The following NRXN1 variants were observed in gnomAD, a reference collection of about 807,000 sequenced individuals.
The protein encoded by NRXN1 is neurexin 1.
Under a neutral mutation model 150.9 loss-of-function variants are expected in NRXN1, and 39 were observed. That is an observed-to-expected ratio of 0.26 (90% CI 0.20 to 0.34). The LOEUF is 0.34. Among genes scored for constraint, NRXN1 ranks in the 10% least tolerant of loss-of-function variants. The pLI, the probability that NRXN1 is intolerant of heterozygous loss-of-function variation, is 1.00. For missense variants in NRXN1, 1,815 were observed against 1,949.9 expected, an observed-to-expected ratio of 0.93 and a Z score of 1.30; for synonymous variants, 924 against 757.0, an observed-to-expected ratio of 1.22 and a Z score of -3.62.
chr2:50,614,168 A>AT (rs1559021182), intron 8 of NRXN1, among the ~76,000 whole-genome samples: 1 of 152,154 alleles, frequency 6.6e-6, no homozygotes, highest in African/African-American at 2.4e-5. Context: ...AAGAGAGGCA[A>AT]TAAGTCAGGG....
Position 50,004,204 on chromosome 2 carries a change from A to G in NRXN1, c.4128+49067T>C, listed in dbSNP as rs368319782. On this transcript the variant is annotated intron_variant, in intron 21 of 22. Transcript: ENST00000401669. ...GAACCCAGGAAGCTTAAATCTATCA[A>G]TCAGGATAGTGACAGGGTCAGATAC... 1.1e-3 allele frequency among the ~76,000 whole-genome samples: 162 copies of G among 152,246 alleles called. 1 individual carries two copies. The highest frequency in any genetic ancestry group is 3.7e-3 in the African/African-American group (153 of 41,568).
intron 18 of NRXN1, among the ~76,000 whole-genome samples, chr2:50,195,595 A>C (rs2061706839): frequency 6.6e-6 from 1 of 152,178 alleles, no homozygotes; most frequent in South Asian, 2.1e-4. Flanking sequence ...AATCTTACAA[A>C]GACAGCCTTC....
intron 21 of NRXN1, among the ~76,000 whole-genome samples, chr2:50,011,275 G>A (rs1685617903): frequency 6.6e-6 from 1 of 152,094 alleles, no homozygotes; most frequent in Non-Finnish European, 1.5e-5. Flanking sequence ...ATATTAAACT[G>A]AACTCAATAT....
chr2:50,363,490 A>C (rs568367823), intron 17 of NRXN1, among the ~76,000 whole-genome samples: 1 of 152,354 alleles, frequency 6.6e-6, no homozygotes, highest in East Asian at 1.9e-4. Context: ...CACATGTAAA[A>C]AAGCTCATCA....
chr2:49,961,646 A>G (rs1208325976), intron 21 of NRXN1, among the ~76,000 whole-genome samples: 1 of 152,216 alleles, frequency 6.6e-6, no homozygotes, highest in African/African-American at 2.4e-5. Flanking sequence ...TGAAATTTCT[A>G]TGGAAATAGG....
chr2:50,263,175 C>G (rs946379099), intron 17 of NRXN1, among the ~76,000 whole-genome samples: 2 of 150,686 alleles, frequency 1.3e-5, no homozygotes, highest in Non-Finnish European at 3.0e-5. Flanking sequence ...CACACACACA[C>G]ACACACACAC....
At chr2:50,054,244 A>G (rs895117148) in intron 20 of NRXN1, among the ~76,000 whole-genome samples, 2 of 71,848 alleles carry the variant, frequency 2.8e-5, no homozygotes, top group African/African-American at 1.5e-4. Context: ...ACAAAACAAA[A>G]TGAAAAAAAA....
chr2:50,307,385 G>C (rs2074725335), intron 17 of NRXN1, among the ~76,000 whole-genome samples: 1 of 152,068 alleles, frequency 6.6e-6, no homozygotes, highest in Non-Finnish European at 1.5e-5. Flanking sequence ...TTTTTGTAGG[G>C]GGAGGCTCTG....
intron 17 of NRXN1, among the ~76,000 whole-genome samples, chr2:50,321,800 T>C (rs1486206054): frequency 6.6e-6 from 1 of 152,052 alleles, no homozygotes; most frequent in Admixed American, 6.6e-5. Context: ...TCCATTCTAA[T>C]AATAATAAAA....
intron 5 of NRXN1, among the ~76,000 whole-genome samples, chr2:50,865,580 A>ATGTGTGTGTGTGTGTGTGTG (rs112867077): frequency 1.6e-3 from 214 of 130,762 alleles, no homozygotes; most frequent in East Asian, 5.8e-3. Flanking sequence ...AAATATATAA[A>ATGTGTGTGTGTGTGTGTGTG]TGTGTGTGTG....
At chr2:50,730,128 G>GT (rs562937437) in intron 5 of NRXN1, among the ~76,000 whole-genome samples, 31 of 151,906 alleles carry the variant, frequency 2.0e-4, no homozygotes, top group Non-Finnish European at 3.4e-4. Flanking sequence ...TTGAAGAAGA[G>GT]TTTTTTTTCA....
intron 5 of NRXN1, among the ~76,000 whole-genome samples, chr2:50,901,329 A>C (rs943494639): frequency 6.6e-6 from 1 of 151,966 alleles, no homozygotes; most frequent in Non-Finnish European, 1.5e-5. Context: ...AGGTCAGGAG[A>C]TCGAGACCAT....
chr2:50,199,537 T>TACACACACAC (rs67959182), intron 18 of NRXN1, among the ~76,000 whole-genome samples: 287 of 149,438 alleles, frequency 1.9e-3, no homozygotes, highest in African/African-American at 2.6e-3. Context: ...CTCTTTCTTA[T>TACACACACAC]ACACACACAC....
At chr2:50,510,683 A>G (rs1340228992) in intron 12 of NRXN1, among the ~76,000 whole-genome samples, 1 of 152,176 alleles carries the variant, frequency 6.6e-6, no homozygotes, top group Non-Finnish European at 1.5e-5. Flanking sequence ...TTATAGTTAA[A>G]GAAGCAGATT....
At chr2:50,627,433 G>A (rs1681345554) in intron 5 of NRXN1, among the ~76,000 whole-genome samples, 1 of 148,566 alleles carries the variant, frequency 6.7e-6, no homozygotes, top group South Asian at 2.2e-4. Flanking sequence ...AATTTATATT[G>A]TCTGGCATTG....
chr2:50,121,926 G>A (rs1356192515), intron 18 of NRXN1, among the ~76,000 whole-genome samples: 2 of 152,152 alleles, frequency 1.3e-5, no homozygotes, highest in Non-Finnish European at 2.9e-5. Flanking sequence ...CCGCAAGGGA[G>A]AAGGACATAC....
intron 2 of NRXN1, among the ~76,000 whole-genome samples, chr2:50,955,839 A>T (rs1692195054): frequency 6.6e-6 from 1 of 152,202 alleles, no homozygotes; most frequent in Non-Finnish European, 1.5e-5. Flanking sequence ...GGGGGGAATG[A>T]TTGAATTTAT....
chr2:50,540,838 T>A (rs2093372692), intron 9 of NRXN1, among the ~76,000 whole-genome samples: 1 of 152,084 alleles, frequency 6.6e-6, no homozygotes, highest in African/African-American at 2.4e-5. Flanking sequence ...ATTTTTGTAT[T>A]TTCAGTAGAG....
intron 18 of NRXN1, among the ~76,000 whole-genome samples, chr2:50,228,679 T>G (rs188739916): frequency 6.6e-6 from 1 of 152,156 alleles, no homozygotes; most frequent in Admixed American, 6.6e-5. Context: ...GCCAAAAGCC[T>G]TACTAATCAA....
Sources: gnomAD v4.1 joint callset for allele counts (sites outside exome capture counted in the v4.1 genomes callset) on GRCh38, gnomAD v4.1.1 for gene constraint, MANE v1.5 for transcripts, NCBI Gene and HGNC (gene_info 2026-07-23, HGNC 2026-07-21) for gene names.